The following CHM variants were observed in gnomAD, a reference collection of about 807,000 sequenced individuals.
CHM encodes rab proteins geranylgeranyltransferase component A 1.
Under a neutral mutation model 49.0 loss-of-function variants are expected in CHM, and 10 were observed. The ratio of observed to expected loss-of-function variants is 0.20; its 90% CI spans 0.13 to 0.35. The LOEUF (loss-of-function observed/expected upper bound fraction) is 0.35. Ranked by LOEUF, CHM falls within the 10% of genes least tolerant of loss-of-function variation. The pLI, the probability that CHM is intolerant of heterozygous loss-of-function variation, is 1.00. For synonymous variants in CHM, 184 were observed against 167.5 expected (o/e 1.10, Z -0.76); for missense variants, 455 against 478.4 (o/e 0.95, Z 0.46).
At chrX:86,013,545 C>T (rs1933166288) in intron 2 of CHM, among the ~76,000 whole-genome samples, 1 of 109,968 alleles carries the variant, frequency 9.1e-6, no homozygotes, top group Non-Finnish European at 1.9e-5. Flanking sequence ...CCACCCTGGC[C>T]AAGATGTTTT....
intron 13 of CHM, among the ~76,000 whole-genome samples, chrX:85,876,414 A>G (rs2148123936): frequency 8.9e-6 from 1 of 112,099 alleles, no homozygotes; most frequent in African/African-American, 3.2e-5. Context: ...AAAGCCATCA[A>G]TCTGTGAAAA....
At chrX:85,948,172 G>T (rs1400134162) in intron 8 of CHM, among the ~76,000 whole-genome samples, 1 of 111,859 alleles carries the variant, frequency 8.9e-6, no homozygotes, top group Non-Finnish European at 1.9e-5. Flanking sequence ...TTCCAAACTA[G>T]AATGTAGTTA....
At chrX:85,969,445 C>T (rs1930765354) in intron 4 of CHM, 2 of 725,745 alleles carry the variant, frequency 2.8e-6, no homozygotes, top group Middle Eastern at 1.6e-3. Context: ...TTTATTTCCC[C>T]ACATAAACTA....
At chrX:86,025,797 T>C (rs904751633) in intron 2 of CHM, among the ~76,000 whole-genome samples, 3 of 111,156 alleles carry the variant, frequency 2.7e-5, no homozygotes, top group Admixed American at 9.6e-5. Context: ...AAGGTAAATT[T>C]CGAAAAATTA....
intron 14 of CHM, among the ~76,000 whole-genome samples, chrX:85,870,089 G>A (rs1245785495): frequency 9.0e-6 from 1 of 111,467 alleles, no homozygotes; most frequent in African/African-American, 3.3e-5. Flanking sequence ...TTTAATTCTT[G>A]GCTCAAGAAC....
intron 9 of CHM, among the ~76,000 whole-genome samples, chrX:85,908,801 A>T (rs1302051068): frequency 8.9e-6 from 1 of 111,756 alleles, no homozygotes; most frequent in Non-Finnish European, 1.9e-5. Context: ...GTGCTATTTA[A>T]TTTATATTCA....
At chrX:85,958,206 G>A (rs758212191) in intron 6 of CHM, among the ~76,000 whole-genome samples, 3 of 111,886 alleles carry the variant, frequency 2.7e-5, no homozygotes, top group Middle Eastern at 4.6e-3. Flanking sequence ...AAAGGCCAAC[G>A]GCATGTCATC....
At chrX:85,961,793 G>C (rs960102795) in intron 5 of CHM, among the ~76,000 whole-genome samples, 7 of 111,185 alleles carry the variant, frequency 6.3e-5, no homozygotes, top group Non-Finnish European at 1.1e-4. Context: ...CTCTAGACAT[G>C]TTTGGTTTTT....
At chrX:85,955,213 A>G (rs185616178) in intron 8 of CHM, among the ~76,000 whole-genome samples, 46 of 111,727 alleles carry the variant, frequency 4.1e-4, no homozygotes, top group Non-Finnish European at 6.8e-4. Flanking sequence ...ACAGTCAATA[A>G]TGATTTAATT....
intron 8 of CHM, among the ~76,000 whole-genome samples, chrX:85,952,968 G>A (rs1287543854): frequency 8.9e-6 from 1 of 112,685 alleles, no homozygotes; most frequent in Non-Finnish European, 1.9e-5. Flanking sequence ...GCCACTGGGA[G>A]AGGCTGAGAG....
chrX:85,911,129 G>GTATGTA (rs1926908627), intron 9 of CHM, 132 bp downstream of exon 9: 1 of 6,899 alleles, frequency 1.4e-4, no homozygotes, highest in African/African-American at 6.1e-4. Flanking sequence ...GTGTGTATAT[G>GTATGTA]TATATATATA....
intron 2 of CHM, among the ~76,000 whole-genome samples, chrX:85,993,763 A>G (rs1278425646): frequency 8.9e-6 from 1 of 111,894 alleles, no homozygotes; most frequent in Non-Finnish European, 1.9e-5. Context: ...AAGGGCCTGC[A>G]TATCTCTCTG....
chrX:86,021,358 A>G (rs1933598497), intron 2 of CHM, among the ~76,000 whole-genome samples: 1 of 107,592 alleles, frequency 9.3e-6, no homozygotes, highest in Non-Finnish European at 1.9e-5. Context: ...CCCATCAACA[A>G]TCTTAGATAT....
intron 8 of CHM, among the ~76,000 whole-genome samples, chrX:85,932,005 A>T (rs766634237): frequency 9.0e-6 from 1 of 111,637 alleles, no homozygotes; most frequent in Non-Finnish European, 1.9e-5. Flanking sequence ...ACATACAAAC[A>T]ATATGCTCCA....
chrX:85,984,067 T>C (rs942723185), intron 2 of CHM, among the ~76,000 whole-genome samples: 3 of 110,016 alleles, frequency 2.7e-5, no homozygotes, highest in Non-Finnish European at 5.7e-5. Flanking sequence ...CCGGGCGTAG[T>C]GGCACACACC....
At chrX:85,955,443 C>A (rs973794275) in intron 8 of CHM, among the ~76,000 whole-genome samples, 3 of 111,463 alleles carry the variant, frequency 2.7e-5, no homozygotes, top group Admixed American at 9.6e-5. Context: ...AACAAGTATT[C>A]CCTGAAGATA....
At chrX:86,001,400 T>A (rs1305975157) in intron 2 of CHM, among the ~76,000 whole-genome samples, 1 of 111,255 alleles carries the variant, frequency 9.0e-6, no homozygotes, top group Non-Finnish European at 1.9e-5. Flanking sequence ...AGTTCTTGCA[T>A]TGCTATACAG....
intron 9 of CHM, among the ~76,000 whole-genome samples, chrX:85,905,770 C>T (rs1013587205): frequency 1.8e-5 from 2 of 111,195 alleles, no homozygotes; most frequent in Admixed American, 9.6e-5. Context: ...TATTATGTGA[C>T]AATAAAATGA....
At chrX:85,874,037 A>C (rs1327196719) in intron 13 of CHM, among the ~76,000 whole-genome samples, 1 of 111,291 alleles carries the variant, frequency 9.0e-6, no homozygotes, top group Non-Finnish European at 1.9e-5. Context: ...AAGTAGACTT[A>C]GTTCTTACTC....
Sources: allele counts gnomAD v4.1 joint callset (sites outside exome capture counted in the v4.1 genomes callset), GRCh38; gene constraint gnomAD v4.1.1; transcripts MANE v1.5; gene names NCBI Gene and HGNC (gene_info 2026-07-23, HGNC 2026-07-21).